NOTCH2NLA: variants seen among roughly 807,000 people sequenced by gnomAD.
NOTCH2NLA encodes notch homolog 2 N-terminal-like protein A.
At chr1:146,210,597 C>CT (rs1239847842) in intron 1 of NOTCH2NLA, among the ~76,000 whole-genome samples, 2 of 101,942 alleles carry the variant, frequency 2.0e-5, no homozygotes, top group South Asian at 2.9e-4. Flanking sequence ...TCTATTCCTC[C>CT]TCCCAACACA....
downstream of NOTCH2NLA, chr1:146,154,527 GTGAGTAAATAAGTGTCT>G (rs1199655115): frequency 6.8e-6 from 1 of 147,970 alleles, no homozygotes; most frequent in East Asian, 2.0e-4. Context: ...CACACCATCA[GTGAGTAAATAAGTGTCT>G]TGCGTTAAAC....
intron 3 of NOTCH2NLA, among the ~76,000 whole-genome samples, chr1:146,159,114 T>C (rs1661322235): frequency 1.3e-5 from 2 of 152,064 alleles, no homozygotes; most frequent in South Asian, 2.1e-4. Flanking sequence ...TCCCAGCACT[T>C]TGGGAGGCTG....
chr1:146,174,612 C>A (rs112476170), intron 2 of NOTCH2NLA, among the ~76,000 whole-genome samples: 1 of 141,838 alleles, frequency 7.1e-6, no homozygotes, highest in Non-Finnish European at 1.6e-5. Flanking sequence ...GTCGGCACTG[C>A]AGCTGCTCCT....
intron 1 of NOTCH2NLA, among the ~76,000 whole-genome samples, chr1:146,219,455 G>C (rs1191766533): frequency 6.0e-5 from 7 of 116,108 alleles, no homozygotes; most frequent in Admixed American, 3.7e-4. Context: ...GTAGCAATTT[G>C]ATGTTATGTT....
chr1:146,171,869 A>C, intron 2 of NOTCH2NLA, among the ~76,000 whole-genome samples: 2 of 147,200 alleles, frequency 1.4e-5, no homozygotes. Context: ...TATTTTTCTC[A>C]TCTTATACTT....
At chr1:146,172,235 C>A (rs1322755132) in intron 2 of NOTCH2NLA, among the ~76,000 whole-genome samples, 1 of 106,786 alleles carries the variant, frequency 9.4e-6, no homozygotes, top group Non-Finnish European at 1.8e-5. Flanking sequence ...TCAGCTCTAA[C>A]ATCCTAAATG....
chr1:146,151,337 A>AG, downstream of NOTCH2NLA, among the ~76,000 whole-genome samples: 1 of 50,762 alleles, frequency 2.0e-5, no homozygotes, highest in Admixed American at 2.5e-4. Flanking sequence ...AAAAAAAAAA[A>AG]AGAAAAGAAA....
chr1:146,165,260 GC>G, intron 2 of NOTCH2NLA, among the ~76,000 whole-genome samples: 1 of 11,234 alleles, frequency 8.9e-5, no homozygotes, highest in Non-Finnish European at 1.5e-4. Flanking sequence ...GTCTGCCATG[GC>G]CAGTCAACAT....
rs1302224171 is a variant in NOTCH2NLA at position 146,186,955 on chromosome 1, C to T, written c.38+2345G>A. Among the ~76,000 whole-genome samples the T allele has an allele frequency of 2.2e-5, 3 of 133,892 alleles. 1 individual carries two copies. The highest frequency in any genetic ancestry group is 5.2e-5 in the Non-Finnish European group (3 of 57,864). 87.8% of individuals were successfully genotyped at this position (133,892 alleles called of 152,430 possible). A position where few individuals can be genotyped will look rare whatever the true frequency, so the allele number is the denominator to read the frequency against. On this transcript the variant is annotated intron_variant, in intron 2 of 4. Transcript: ENST00000362074. ...ATACATGTGCCATGGTGGTTTGCTG[C>T]ACCTATCAACCCGTCATCCAGGTTT...
chr1:146,174,133 C>T (rs4649848), intron 2 of NOTCH2NLA, among the ~76,000 whole-genome samples: 3,776 of 142,610 alleles, frequency 0.026, 38 homozygotes, highest in East Asian at 0.14. Flanking sequence ...GCAATGGCTG[C>T]AGTTCAGGAT....
chr1:146,186,216 T>G (rs1553810160), intron 2 of NOTCH2NLA, among the ~76,000 whole-genome samples: 1 of 136,328 alleles, frequency 7.3e-6, no homozygotes, highest in East Asian at 2.0e-4. Context: ...CTCACCAAAT[T>G]TTTTCTTTCT....
chr1:146,170,553 A>T (rs2102292791), intron 2 of NOTCH2NLA, among the ~76,000 whole-genome samples: 1 of 139,904 alleles, frequency 7.1e-6, no homozygotes, highest in African/African-American at 2.6e-5. Flanking sequence ...AGTGACTACT[A>T]AGCAGTAGAG....
chr1:146,187,204 T>C (rs1553810437), intron 2 of NOTCH2NLA, among the ~76,000 whole-genome samples: 1 of 128,946 alleles, frequency 7.8e-6, no homozygotes, highest in East Asian at 2.1e-4. Context: ...CAAAGGACAT[T>C]AACTCATTCT....
At chr1:146,171,910 GAACT>G (rs1455324495) in intron 2 of NOTCH2NLA, among the ~76,000 whole-genome samples, 1 of 146,654 alleles carries the variant, frequency 6.8e-6, no homozygotes, top group Non-Finnish European at 1.5e-5. Context: ...CCAATAATTG[GAACT>G]ATCATTCATT....
At chr1:146,174,558 C>A (rs1282345906) in intron 2 of NOTCH2NLA, among the ~76,000 whole-genome samples, 1 of 145,508 alleles carries the variant, frequency 6.9e-6, no homozygotes, top group African/African-American at 2.4e-5. Flanking sequence ...AAAAACTATA[C>A]AGAATGTGGA....
At chr1:146,158,619 T>G (rs2934385) in intron 3 of NOTCH2NLA, among the ~76,000 whole-genome samples, 140 of 151,566 alleles carry the variant, frequency 9.2e-4, no homozygotes, top group Non-Finnish European at 1.3e-3. Flanking sequence ...AGTGCCGCAA[T>G]AAACATACGT....
Position 146,228,321 on chromosome 1 carries a change from C to A in NOTCH2NLA, c.-45+388G>T, listed in dbSNP as rs1430281032. ...TCCTTCGCTCAGCCCCTCCGAGGCC[C>A]GCCGTCGGCTCTCGCTCGACCCCAG... On this transcript the variant is annotated intron_variant, in intron 1 of 4. Coordinates refer to ENST00000362074, the Ensembl canonical transcript of NOTCH2NLA. 4.1e-6 allele frequency: 4 copies of A among 973,856 alleles called. No homozygotes were observed. The African/African-American group carries it at 7.1e-5, about 17-fold the overall frequency. The allele number at this position is 973,856 out of a possible 1,614,324, so 60.3% of individuals were successfully genotyped here.
At chr1:146,151,494 CCAT>C (rs1188680524), downstream of NOTCH2NLA, among the ~76,000 whole-genome samples, 1 of 84,886 alleles carries the variant, frequency 1.2e-5, no homozygotes, top group East Asian at 2.7e-4. Context: ...ATCTCCCACT[CCAT>C]CACCCGCCCA....
chr1:146,180,353 T>C (rs1407937279), intron 2 of NOTCH2NLA, among the ~76,000 whole-genome samples: 1 of 138,828 alleles, frequency 7.2e-6, no homozygotes, highest in African/African-American at 2.6e-5. Flanking sequence ...AAATAATGTC[T>C]TTCTTAGTCT....
Sources: allele counts gnomAD v4.1 joint callset (sites outside exome capture counted in the v4.1 genomes callset), GRCh38; gene constraint gnomAD v4.1.1; transcripts MANE v1.5; gene names NCBI Gene and HGNC (gene_info 2026-07-23, HGNC 2026-07-21).